The following ZNF677 variants were observed in gnomAD, a reference collection of about 807,000 sequenced individuals.
ZNF677 encodes hypothetical protein MGC48625.
A neutral mutation model predicts 8.1 loss-of-function variants in ZNF677; 5 were observed. The ratio of observed to expected loss-of-function variants is 0.62; its 90% CI spans 0.32 to 1.29. ZNF677 has a LOEUF of 1.29. ZNF677 is among the 50% of genes most tolerant of loss of function. The pLI, the probability that ZNF677 is intolerant of heterozygous loss-of-function variation, is 0.05. For missense variants in ZNF677, 685 were observed against 685.9 expected, an observed-to-expected ratio of 1.00 and a Z score of 0.01; for synonymous variants, 221 against 225.6, an observed-to-expected ratio of 0.98 and a Z score of 0.18.
chr19:53,254,419 A>G (rs1393566926), intron 1 of ZNF677, among the ~76,000 whole-genome samples: 3 of 151,648 alleles, frequency 2.0e-5, no homozygotes, highest in Non-Finnish European at 4.4e-5. Context: ...ATGGCTCTCT[A>G]ATTTCGCGCA....
At position 53,242,183 on chromosome 19, in the gene ZNF677, C is replaced by T. The variant is rs1045057233; in HGVS notation, c.169+1561G>A. On this transcript the variant is annotated intron_variant, in intron 4 of 4. Coordinates refer to ENST00000598513, the MANE Select transcript of ZNF677 (RefSeq NM_182609.4). ...CCGACCTCAGGTGATCTGCCCACCT[C>T]GGCCTCCCAAAGTGCTGGGATTATA... 3.5e-5 allele frequency: 14 copies of T among 396,862 alleles called. No homozygotes were observed. In the East Asian group the frequency reaches 4.6e-4, roughly 13 times the overall value. The allele number at this position is 396,862 out of a possible 1,614,324, so 24.6% of individuals were successfully genotyped here.
chr19:53,248,205 CT>C (rs2091177556), intron 3 of ZNF677, among the ~76,000 whole-genome samples: 1 of 152,156 alleles, frequency 6.6e-6, no homozygotes, highest in Non-Finnish European at 1.5e-5. Context: ...GCTAAGTTGG[CT>C]TCAATTGCAT....
chr19:53,253,602 G>T (rs2091268566), intron 1 of ZNF677, among the ~76,000 whole-genome samples: 1 of 152,112 alleles, frequency 6.6e-6, no homozygotes, highest in Non-Finnish European at 1.5e-5. Flanking sequence ...CAGGAGAATC[G>T]CTTGAACCCT....
chr19:53,248,926 G>C (rs2146963021), intron 3 of ZNF677, among the ~76,000 whole-genome samples: 1 of 151,992 alleles, frequency 6.6e-6, no homozygotes, highest in South Asian at 2.1e-4. Context: ...TTCTTATTAA[G>C]CATACATACA....
chr19:53,239,289 G>A (rs2091011746), intron 4 of ZNF677: 1 of 152,128 alleles, frequency 6.6e-6, no homozygotes, highest in African/African-American at 2.4e-5. Flanking sequence ...AAAATTGTCA[G>A]TGAAATTCTA....
intron 4 of ZNF677, chr19:53,241,635 G>T (rs2091051069): frequency 2.9e-5 from 11 of 384,806 alleles, no homozygotes; most frequent in Non-Finnish European, 5.1e-5. Flanking sequence ...GCCCTTGGGA[G>T]ACACTGGAAA....
chr19:53,251,791 T>C (rs2091238565), intron 2 of ZNF677, among the ~76,000 whole-genome samples, 186 bp from the exon 3 acceptor site: 4 of 152,208 alleles, frequency 2.6e-5, no homozygotes, highest in Admixed American at 6.5e-5. Flanking sequence ...ATTCCACCTA[T>C]GTCTTCAAAA....
rs377534842 is a variant in ZNF677, at chr19:53,236,996, T to G, written c.1731A>C (p.Lys577Asn). The change falls in exon 5 of 5, where the codon AAA (lysine) becomes AAC (asparagine). Residue 577 changes from lysine to asparagine, a missense_variant. Transcript: ENST00000598513. The part of the protein sequence containing the change: ...REKHIKYNET[K>N]IKYSSCT ...GCTAGGTACAGCTTGAATACTTAAT[T>G]TTTGTCTCATTATATTTGATATGTT... The G allele has an allele frequency of 1.3e-5, 20 of 1,570,260 alleles. No individual in the cohort carries two copies. In the African/African-American group the frequency reaches 2.6e-4, roughly 20 times the overall value.
At position 53,237,723 on chromosome 19, in the gene ZNF677, G is replaced by T. The variant is rs1568688232; in HGVS notation, c.1004C>A (p.Ala335Glu). 6.2e-7 allele frequency: 1 copy of T among 1,613,678 alleles called. No individual in the cohort carries two copies. The highest frequency in any genetic ancestry group is 8.5e-7 in the Non-Finnish European group (1 of 1,179,860). Residue 335 changes from alanine (A) to glutamate (E), a missense_variant, in exon 5 of 5, where the codon GCA becomes GAA. Physicochemically the swap from Ala to Glu is moderately radical, Grantham distance 107 (BLOSUM62 -1). Transcript: ENST00000598513. ...TCCAGTATGCATCCTCTGATGACTT[G>T]CAAGATTTGAATTTTGACTACAGAC... ...GKVCSQNSNL[A>E]SHQRMHTGEK...
chr19:53,241,646 C>T (rs1599917449), intron 4 of ZNF677: 2 of 386,262 alleles, frequency 5.2e-6, no homozygotes, highest in East Asian at 7.3e-5. Context: ...ACACTGGAAA[C>T]TCCACAGAAA....
chr19:53,249,803 T>G (rs1368165645), intron 3 of ZNF677, among the ~76,000 whole-genome samples: 1 of 152,228 alleles, frequency 6.6e-6, no homozygotes, highest in East Asian at 1.9e-4. Context: ...CCTGCCTCTC[T>G]GATGACAGAA....
chr19:53,251,941 A>T (rs1343540998), intron 2 of ZNF677, among the ~76,000 whole-genome samples: 1 of 152,170 alleles, frequency 6.6e-6, no homozygotes, highest in African/African-American at 2.4e-5. Context: ...CAGGATATAA[A>T]AGCCTAAAAT....
At chr19:53,240,110 C>CAA (rs2091025479) in intron 4 of ZNF677, 1 of 152,210 alleles carries the variant, frequency 6.6e-6, no homozygotes, top group Non-Finnish European at 1.5e-5. Flanking sequence ...GTGACCAGAT[C>CAA]ATGTTGCTGT....
intron 3 of ZNF677, among the ~76,000 whole-genome samples, chr19:53,248,731 T>C (rs576579543): frequency 6.6e-6 from 1 of 152,366 alleles, no homozygotes; most frequent in Admixed American, 6.5e-5. Context: ...GCTACTATCA[T>C]GATTCTCTTT....
chr19:53,243,344 A>G (rs2079970807), intron 4 of ZNF677: 1 of 185,712 alleles, frequency 5.4e-6, no homozygotes, highest in Non-Finnish European at 9.3e-6. Context: ...GACATTACAC[A>G]TGGGTCTGCA....
rs1599918514 is a variant in ZNF677, at chr19:53,242,561, A to G, written c.169+1183T>C. 7 of 395,496 alleles carry G rather than the reference A, an allele frequency of 1.8e-5. No individual in the cohort carries two copies. The East Asian group carries it at 2.5e-4, about 14-fold the overall frequency. The allele number at this position is 395,496 out of a possible 1,614,324, so 24.5% of individuals were successfully genotyped here. A position where few individuals can be genotyped will look rare whatever the true frequency, so the allele number is the denominator to read the frequency against. Reference sequence around the variant, plus strand: ...AGCCTGCCCATTCCCCTTTAGACACATGTGGCAAAAGCAGAACTGAAGGAA... The same window carrying G: ...AGCCTGCCCATTCCCCTTTAGACACGTGTGGCAAAAGCAGAACTGAAGGAA... On this transcript the variant is annotated intron_variant, in intron 4 of 4. Transcript: ENST00000598513.
rs145005674 is a variant in ZNF677, at chr19:53,238,320, T to C, written c.407A>G (p.His136Arg). 14 of 1,613,414 alleles carry C rather than the reference T, an allele frequency of 8.7e-6. No individual in the cohort carries two copies. Among genetic ancestry groups the C allele is most frequent in the African/African-American group, 1.3e-5 (1 of 74,900 alleles). ...AGAGAAATGTATTGAGGATTTATTA[T>C]GTTGTTGATCTTTTCTGTGAGTGAG... ...KNLTHRKDQQHNKSSIHFSLK... is the reference protein window; with the variant it reads ...KNLTHRKDQQRNKSSIHFSLK... Residue 136 changes from histidine to arginine, a missense_variant, in exon 5 of 5, where the codon CAT (histidine) becomes CGT (arginine). His to Arg is a conservative substitution (Grantham distance 29, BLOSUM62 0). Coordinates refer to ENST00000598513, the MANE Select transcript of ZNF677 (RefSeq NM_182609.4).
rs1231293889 is a variant in ZNF677 at position 53,235,507 on chromosome 19, T to C, written c.*1465A>G. ...TGAATCCCCTATAAGAACACTACTCTGGTTCTTTTGATGGAACTGTCCTCT... is the reference window on the plus strand; with the variant it reads ...TGAATCCCCTATAAGAACACTACTCCGGTTCTTTTGATGGAACTGTCCTCT... On this transcript the variant is annotated 3_prime_UTR_variant, in exon 5 of 5. Transcript: ENST00000598513. 1 of 152,226 alleles carries C rather than the reference T, an allele frequency of 6.6e-6. No homozygotes were observed. Among genetic ancestry groups the C allele is most frequent in the Non-Finnish European group, 1.5e-5 (1 of 68,028 alleles). The allele number at this position is 152,226 out of a possible 1,614,324, so 9.4% of individuals were successfully genotyped here. A position where few individuals can be genotyped will look rare whatever the true frequency, so the allele number is the denominator to read the frequency against.
chr19:53,251,483 T>C (rs2965240), intron 3 of ZNF677, 53 bp downstream of exon 3: 664,478 of 1,498,856 alleles, frequency 0.44, 151,405 homozygotes, highest in East Asian at 0.76. Context: ...GTCCAAAATA[T>C]GGCATTTCAG....
Sources: gnomAD v4.1 joint callset for allele counts (sites outside exome capture counted in the v4.1 genomes callset) on GRCh38, gnomAD v4.1.1 for gene constraint, MANE v1.5 for transcripts, NCBI Gene and HGNC (gene_info 2026-07-23, HGNC 2026-07-21) for gene names.